The following GRIP1 variants were observed in gnomAD, a reference collection of about 807,000 sequenced individuals.
GRIP1 encodes glutamate receptor-interacting protein 1.
GRIP1 carries 45 observed loss-of-function variants against 129.9 expected under a neutral mutation model. The ratio of observed to expected loss-of-function variants is 0.35; its 90% confidence interval spans 0.27 to 0.44. The LOEUF (loss-of-function observed/expected upper bound fraction) is 0.44. GRIP1 is among the 20% of genes least tolerant of loss of function. GRIP1 has a pLI of 1.00. For synonymous variants in GRIP1, 530 were observed against 520.8 expected, an observed-to-expected ratio of 1.02 and a Z score of -0.24; for missense variants, 1,196 against 1,396.8, an observed-to-expected ratio of 0.86 and a Z score of 2.29.
intron 1 of GRIP1, among the ~76,000 whole-genome samples, chr12:66,810,383 C>A (rs1361676489): frequency 6.6e-6 from 1 of 152,042 alleles, no homozygotes; most frequent in African/African-American, 2.4e-5. Flanking sequence ...CATGGTGAAA[C>A]CCCGTCTCTA....
intron 5 of GRIP1, among the ~76,000 whole-genome samples, chr12:66,525,462 C>T (rs2061195219): frequency 1.3e-5 from 2 of 151,126 alleles, no homozygotes; most frequent in Admixed American, 6.6e-5. Context: ...CAGAAAAGGC[C>T]TTTGACAAAA....
intron 23 of GRIP1, among the ~76,000 whole-genome samples, chr12:66,359,076 C>T (rs2054624765): frequency 6.6e-6 from 1 of 152,168 alleles, no homozygotes; most frequent in Non-Finnish European, 1.5e-5. Context: ...GGTGGGGCAT[C>T]CTCCTTGCTA....
intron 24 of GRIP1, among the ~76,000 whole-genome samples, chr12:66,349,762 G>A (rs761173264): frequency 1.8e-4 from 28 of 151,880 alleles, no homozygotes; most frequent in East Asian, 2.0e-4. Context: ...TGGGAGGATC[G>A]CTTGATGCCA....
chr12:66,931,077 C>T (rs779898503), intron 1 of GRIP1, among the ~76,000 whole-genome samples: 6 of 152,322 alleles, frequency 3.9e-5, no homozygotes, highest in Middle Eastern at 3.4e-3. Flanking sequence ...AACTTACTGT[C>T]TTCAACTAGA....
At chr12:67,063,471 T>A (rs1592532938) in intron 1 of GRIP1, among the ~76,000 whole-genome samples, 1 of 152,180 alleles carries the variant, frequency 6.6e-6, no homozygotes, top group African/African-American at 2.4e-5. Context: ...TAAGTAGATT[T>A]TTTATATTTA....
chr12:66,359,518 G>T (rs1035281015), intron 23 of GRIP1, among the ~76,000 whole-genome samples: 1 of 152,204 alleles, frequency 6.6e-6, no homozygotes, highest in Non-Finnish European at 1.5e-5. Flanking sequence ...GGTTAGCAGA[G>T]TAGCTCATTA....
chr12:66,420,771 G>A lies in GRIP1; in HGVS notation c.1787C>T (p.Pro596Leu). The part of the protein sequence containing the change: ...ITISSPSSRK[P>L]GDPLVISDIK... ...ATCTGAAATGACGAGGGGGTCTCCT[G>A]GTTTTCTACTGGATGGTGCTGTAAT... The change falls in exon 15 of 25, where the codon CCA (proline) becomes CTA (leucine). Residue 596 changes from proline to leucine, a missense_variant. Coordinates refer to ENST00000359742, the MANE Select transcript of GRIP1 (RefSeq NM_001366722.1). 1 of 1,578,272 alleles carries A rather than the reference G, an allele frequency of 6.3e-7. No homozygotes were observed. Among genetic ancestry groups the A allele is most frequent in the Non-Finnish European group, 8.7e-7 (1 of 1,147,280 alleles).
intron 2 of GRIP1, among the ~76,000 whole-genome samples, chr12:66,589,194 T>TCTCTCTCTCTCTCTCTC (rs2063757008): frequency 1.0e-5 from 1 of 95,606 alleles, no homozygotes; most frequent in African/African-American, 4.5e-5. Context: ...CTCCCCCACC[T>TCTCTCTCTCTCTCTCTC]TCTCTCTCTC....
At chr12:66,691,663 G>A (rs1242835276) in intron 1 of GRIP1, among the ~76,000 whole-genome samples, 1 of 152,124 alleles carries the variant, frequency 6.6e-6, no homozygotes, top group Admixed American at 6.6e-5. Context: ...CTCTTTACAA[G>A]CATCTTTTAT....
chr12:66,551,314 G>T (rs1734183597), intron 2 of GRIP1, among the ~76,000 whole-genome samples: 1 of 152,180 alleles, frequency 6.6e-6, no homozygotes, highest in Admixed American at 6.5e-5. Context: ...TCAGTCCATA[G>T]CATGGCCTGG....
chr12:66,905,910 A>G (rs1765283416), intron 1 of GRIP1, among the ~76,000 whole-genome samples: 1 of 152,164 alleles, frequency 6.6e-6, no homozygotes, highest in Non-Finnish European at 1.5e-5. Context: ...TTATATCTTT[A>G]AGACATTTTA....
At chr12:66,870,524 A>C (rs190768445) in intron 1 of GRIP1, among the ~76,000 whole-genome samples, 1 of 152,124 alleles carries the variant, frequency 6.6e-6, no homozygotes, top group Non-Finnish European at 1.5e-5. Context: ...TAAAAGCTTA[A>C]ACTGTTAGAC....
chr12:66,444,849 A>G (rs1022733430), intron 12 of GRIP1, 120 bp from the exon 13 acceptor site: 1 of 991,812 alleles, frequency 1.0e-6, no homozygotes, highest in African/African-American at 1.6e-5. Flanking sequence ...TTGCTTATTC[A>G]ATGCTGTGGG....
At chr12:66,400,269 G>A (rs566400042) in intron 16 of GRIP1, among the ~76,000 whole-genome samples, 32 of 150,030 alleles carry the variant, frequency 2.1e-4, no homozygotes, top group Middle Eastern at 6.8e-3. Context: ...ACTCAAGCTT[G>A]AGAGCCGTCC....
intron 1 of GRIP1, among the ~76,000 whole-genome samples, chr12:66,746,802 A>G (rs1160304492): frequency 6.6e-6 from 1 of 152,232 alleles, no homozygotes; most frequent in Non-Finnish European, 1.5e-5. Flanking sequence ...TTGACATTTT[A>G]AGGGAATTTG....
chr12:66,403,163 A>G (rs1024182308), intron 16 of GRIP1, among the ~76,000 whole-genome samples: 1 of 152,170 alleles, frequency 6.6e-6, no homozygotes, highest in Non-Finnish European at 1.5e-5. Flanking sequence ...CTTTAAGGGT[A>G]CAAGTGATTT....
chr12:66,792,884 T>C (rs2038585379), intron 1 of GRIP1, among the ~76,000 whole-genome samples: 1 of 152,136 alleles, frequency 6.6e-6, no homozygotes, highest in African/African-American at 2.4e-5. Flanking sequence ...CTGTTGCCAA[T>C]AATCCAAATA....
intron 2 of GRIP1, among the ~76,000 whole-genome samples, chr12:66,556,924 A>AC (rs1194691707): frequency 6.6e-6 from 1 of 151,988 alleles, no homozygotes; most frequent in Non-Finnish European, 1.5e-5. Flanking sequence ...AAAAAATAAG[A>AC]CCACAAAACA....
chr12:66,358,329 A>G (rs2054591879), intron 23 of GRIP1, among the ~76,000 whole-genome samples: 1 of 152,154 alleles, frequency 6.6e-6, no homozygotes, highest in Non-Finnish European at 1.5e-5. Context: ...TCGCTTCTTT[A>G]CTTTCCGGCA....
Sources: gnomAD v4.1 joint callset for allele counts (sites outside exome capture counted in the v4.1 genomes callset) on GRCh38, gnomAD v4.1.1 for gene constraint, MANE v1.5 for transcripts, NCBI Gene and HGNC (gene_info 2026-07-23, HGNC 2026-07-21) for gene names.